Variants in FNBP1 observed in about 807,000 individuals in gnomAD.
The protein encoded by FNBP1 is formin-binding protein 1.
A neutral mutation model predicts 90.6 loss-of-function variants in FNBP1; 26 were observed. The ratio of observed to expected loss-of-function variants is 0.29; its 90% CI spans 0.21 to 0.40. The LOEUF is 0.40. Ranked by LOEUF, FNBP1 falls within the 10% of genes least tolerant of loss-of-function variation. The probability of loss-of-function intolerance (pLI) is 1.00; values close to 1 mark genes in which losing one functional copy is unlikely to be tolerated. For synonymous variants in FNBP1, 260 were observed against 265.2 expected (o/e 0.98, Z 0.19); for missense variants, 635 against 768.0 (o/e 0.83, Z 2.05).
chr9:130,015,672 CTTTTG>C, intron 1 of FNBP1, among the ~76,000 whole-genome samples: 1 of 152,200 alleles, frequency 6.6e-6, no homozygotes, highest in South Asian at 2.1e-4. Flanking sequence ...GCATTTATTT[CTTTTG>C]TTTTGTTTTG....
chr9:130,035,012 G>A (rs1411403421), intron 1 of FNBP1, among the ~76,000 whole-genome samples: 1 of 152,140 alleles, frequency 6.6e-6, no homozygotes, highest in Non-Finnish European at 1.5e-5. Flanking sequence ...AGCAGAGTGT[G>A]GTGACATGTG....
At chr9:130,004,067 G>C in intron 1 of FNBP1, among the ~76,000 whole-genome samples, 1 of 151,854 alleles carries the variant, frequency 6.6e-6, no homozygotes. Context: ...CCAAAGTCTA[G>C]GTCAACTTTA....
chr9:129,916,140 G>C, intron 10 of FNBP1, 160 bp from the exon 11 acceptor site: 1 of 609,882 alleles, frequency 1.6e-6, no homozygotes, highest in Non-Finnish European at 2.9e-6. Flanking sequence ...ATGACTTGTA[G>C]CAGATCTGTG....
chr9:130,009,577 C>T (rs1020397759), intron 1 of FNBP1, among the ~76,000 whole-genome samples: 5 of 151,886 alleles, frequency 3.3e-5, no homozygotes, highest in Non-Finnish European at 5.9e-5. Flanking sequence ...CCAAGGCGGG[C>T]GGATCACAAG....
chr9:129,900,244 T>A lies in FNBP1; in HGVS notation c.1551-143A>T. On this transcript the variant is annotated intron_variant, in intron 14 of 16. Transcript: ENST00000446176. The surrounding 1 kb of genome is among the most constrained non-coding windows in gnomAD (Gnocchi z 4.1). ...GAGGCCATGGTAAATCATCGCACGCTCAGATCACCCATCCCATGTGGAATT... is the reference window on the plus strand; with the variant it reads ...GAGGCCATGGTAAATCATCGCACGCACAGATCACCCATCCCATGTGGAATT... The A allele has an allele frequency of 8.9e-7, 1 of 1,129,700 alleles. No homozygotes were observed. Among genetic ancestry groups the A allele is most frequent in the Non-Finnish European group, 1.2e-6 (1 of 825,272 alleles). The allele number at this position is 1,129,700 out of a possible 1,614,324, so 70.0% of individuals were successfully genotyped here. A position where few individuals can be genotyped will look rare whatever the true frequency, so the allele number is the denominator to read the frequency against.
At chr9:129,980,407 T>C (rs1392570829) in intron 2 of FNBP1, among the ~76,000 whole-genome samples, 1 of 151,386 alleles carries the variant, frequency 6.6e-6, no homozygotes, top group Non-Finnish European at 1.5e-5. Flanking sequence ...TTTCTAAGGC[T>C]GTGTGGCTGC....
At chr9:130,030,062 T>C (rs1231553251) in intron 1 of FNBP1, among the ~76,000 whole-genome samples, 2 of 152,064 alleles carry the variant, frequency 1.3e-5, no homozygotes, top group African/African-American at 4.8e-5. Context: ...AGTGATGAGA[T>C]AATAAATATC....
chr9:129,942,130 C>T (rs1163772713), intron 6 of FNBP1, among the ~76,000 whole-genome samples: 1 of 151,438 alleles, frequency 6.6e-6, no homozygotes, highest in Non-Finnish European at 1.5e-5. Context: ...CAATTGTCAA[C>T]CTAGAATTCT....
intron 10 of FNBP1, among the ~76,000 whole-genome samples, chr9:129,922,217 ATTTGGGAATCTACACATTGCT>A (rs1351881917): frequency 6.6e-6 from 1 of 151,492 alleles, no homozygotes; most frequent in Non-Finnish European, 1.5e-5. Context: ...ATTGAGAATG[ATTTGGGAATCTACACATTGCT>A]TTATGCCAAT....
intron 13 of FNBP1, among the ~76,000 whole-genome samples, chr9:129,902,000 T>C (rs2037043135): frequency 6.6e-6 from 1 of 152,226 alleles, no homozygotes; most frequent in African/African-American, 2.4e-5. Context: ...AATGTATTTT[T>C]CCATGCTCTG....
At chr9:129,907,890 G>A (rs1214853873) in intron 12 of FNBP1, among the ~76,000 whole-genome samples, 2 of 151,758 alleles carry the variant, frequency 1.3e-5, no homozygotes, top group South Asian at 2.1e-4. Flanking sequence ...CACCATGCGA[G>A]CTAATTTTTT....
intron 10 of FNBP1, chr9:129,919,146 C>T (rs764332321): frequency 6.4e-6 from 8 of 1,248,986 alleles, no homozygotes. Context: ...CTGGCCATCA[C>T]AGGTGAACTT....
chr9:130,018,254 A>AGT (rs113672103), intron 1 of FNBP1, among the ~76,000 whole-genome samples: 2,597 of 150,640 alleles, frequency 0.017, 36 homozygotes, highest in Middle Eastern at 0.054. Context: ...GTGTGTTTAA[A>AGT]GTGTGTGTGT....
intron 1 of FNBP1, among the ~76,000 whole-genome samples, chr9:130,039,057 A>G (rs1310017530): frequency 6.6e-6 from 1 of 152,204 alleles, no homozygotes; most frequent in South Asian, 2.1e-4. Flanking sequence ...AACCAGCCAC[A>G]ACTTCAACAA....
intron 6 of FNBP1, among the ~76,000 whole-genome samples, chr9:129,955,810 T>C (rs1011059111): frequency 6.8e-6 from 1 of 146,632 alleles, no homozygotes; most frequent in Non-Finnish European, 1.5e-5. Flanking sequence ...CTCTAAAATA[T>C]ATACATATAT....
In FNBP1 at chr9:129,978,186, A is replaced by C. The variant is rs149204017; in HGVS notation, c.345+279T>G. 1.5e-3 allele frequency among the ~76,000 whole-genome samples: 224 copies of C among 151,900 alleles called. 3 individuals carry two copies. In the East Asian group the frequency reaches 0.035, roughly 24 times the overall value. ...CAGCCACATGCCACCACGCCTGGCT[A>C]ATTTTTGTATTTTTAGTAGAGATGG... is the stretch of plus-strand genomic sequence containing the variant. On this transcript the variant is annotated intron_variant, in intron 4 of 16. Coordinates refer to ENST00000446176, the MANE Select transcript of FNBP1 (RefSeq NM_015033.3).
At chr9:129,909,887 G>T (rs567177924) in intron 11 of FNBP1, among the ~76,000 whole-genome samples, 63 of 152,298 alleles carry the variant, frequency 4.1e-4, no homozygotes, top group African/African-American at 1.5e-3. Flanking sequence ...GCCCAGCCTA[G>T]TGACTTCTTT....
At chr9:130,049,543 C>T in the FNBP1 span, among the ~76,000 whole-genome samples, 3 of 151,820 alleles carry the variant, frequency 2.0e-5, no homozygotes, top group Non-Finnish European at 4.4e-5. Flanking sequence ...GCGAAACCGT[C>T]TCCACAAAAA....
intron 15 of FNBP1, 75 bp from the exon 16 acceptor site, chr9:129,896,071 G>T: frequency 6.9e-7 from 1 of 1,444,486 alleles, no homozygotes; most frequent in Non-Finnish European, 9.4e-7. Flanking sequence ...CCTTCGCAAT[G>T]AAACAAGTGT....
Sources: allele counts gnomAD v4.1 joint callset (sites outside exome capture counted in the v4.1 genomes callset), GRCh38; gene constraint gnomAD v4.1.1; non-coding constraint Gnocchi (gnomAD v3.1); transcripts MANE v1.5; gene names NCBI Gene and HGNC (gene_info 2026-07-23, HGNC 2026-07-21).